MIA2: variants seen among roughly 807,000 people sequenced by gnomAD.
MIA2 encodes MIA SH3 domain ER export factor 2.
A neutral mutation model predicts 167.8 loss-of-function variants in MIA2; 127 were observed. The observed-to-expected ratio is 0.76, with a 90% CI of 0.66 to 0.88. The LOEUF (loss-of-function observed/expected upper bound fraction) is 0.88. Ranked by LOEUF, MIA2 falls within the 40% of genes least tolerant of loss-of-function variation. The pLI, the probability that MIA2 is intolerant of heterozygous loss-of-function variation, is 0.00. For missense variants in MIA2, 1,690 were observed against 1,624.7 expected (o/e 1.04, Z -0.69); for synonymous variants, 552 against 541.9 (o/e 1.02, Z -0.26).
chr14:39,378,187 A>G (rs890598994), intron 23 of MIA2, among the ~76,000 whole-genome samples: 1 of 152,236 alleles, frequency 6.6e-6, no homozygotes, highest in African/African-American at 2.4e-5. Context: ...TATGTTACTG[A>G]ATTGTTAAAA....
intron 24 of MIA2, among the ~76,000 whole-genome samples, chr14:39,321,423 C>T (rs953242930): frequency 7.2e-5 from 11 of 152,240 alleles, no homozygotes; most frequent in African/African-American, 2.6e-4. Flanking sequence ...ACGCCATTCT[C>T]CTGCCTCAGC....
intron 27 of MIA2, 55 bp from the exon 28 acceptor site, chr14:39,348,688 G>A: frequency 6.2e-7 from 1 of 1,601,118 alleles, no homozygotes; most frequent in Non-Finnish European, 8.6e-7. Context: ...AGATTTTCGG[G>A]AAAATGATTG....
In MIA2 at chr14:39,266,512, T is replaced by A. The variant is rs1009051848; in HGVS notation, c.1888-10422T>A. The A allele has an allele frequency of 3.0e-6, 3 of 985,348 alleles. No homozygotes were observed. In the African/African-American group the frequency reaches 5.2e-5, roughly 17 times the overall value. The allele number at this position is 985,348 out of a possible 1,614,324, so 61.0% of individuals were successfully genotyped here. ...ACTGAAGACAGCTGGGCCTAACAAG[T>A]GCCCAGGTGACTCAGGTAAGCGAGG... On this transcript the variant is annotated intron_variant, in intron 6 of 28. Coordinates refer to ENST00000640607, the MANE Select transcript of MIA2 (RefSeq NM_001329214.4).
rs1225417202 is a variant in MIA2 at position 39,247,751 on chromosome 14, G to T, written c.1177G>T (p.Asp393Tyr). Residue 393 changes from aspartate (D) to tyrosine (Y), a missense_variant, in exon 4 of 29, where the codon GAT (aspartate) becomes TAT (tyrosine). Asp to Tyr is a radical substitution (Grantham distance 160, BLOSUM62 -3). Transcript: ENST00000640607. ...AILGFAYAKE[D>Y]KIMLDDRKNE... The stretch of plus-strand genomic sequence containing the variant: ...ACTAGGCTTTGCATATGCCAAGGAA[G>T]ATAAAATTATGTTAGATGACAGGAA... The T allele has an allele frequency of 6.2e-7, 1 of 1,613,482 alleles. No homozygotes were observed. Among genetic ancestry groups the T allele is most frequent in the Non-Finnish European group, 8.5e-7 (1 of 1,179,898 alleles).
intron 15 of MIA2, 131 bp downstream of exon 15, chr14:39,302,380 G>C: frequency 9.8e-7 from 1 of 1,023,734 alleles, no homozygotes; most frequent in Non-Finnish European, 1.4e-6. Context: ...GTGACACACT[G>C]TCCTTTCTCA....
At chr14:39,362,195 G>C (rs1353122434) in intron 23 of MIA2, among the ~76,000 whole-genome samples, 1 of 152,098 alleles carries the variant, frequency 6.6e-6, no homozygotes, top group African/African-American at 2.4e-5. Flanking sequence ...GAATAATGCT[G>C]ACCTTATAGA....
At chr14:39,287,439 T>C (rs1367467138) in intron 9 of MIA2, among the ~76,000 whole-genome samples, 1 of 152,148 alleles carries the variant, frequency 6.6e-6, no homozygotes, top group Non-Finnish European at 1.5e-5. Flanking sequence ...CAGATCTTAA[T>C]GGAAAAGGTT....
intron 25 of MIA2, among the ~76,000 whole-genome samples, chr14:39,334,898 CT>C (rs2069966415): frequency 6.6e-6 from 1 of 152,076 alleles, no homozygotes. Context: ...ATTGCTATTA[CT>C]TTTTTGTGTA....
chr14:39,266,441 T>A, intron 6 of MIA2: 1 of 985,466 alleles, frequency 1.0e-6, no homozygotes, highest in South Asian at 4.7e-5. Flanking sequence ...CAGGCCAAGG[T>A]CCACGGGGAT....
At chr14:39,282,574 A>G (rs376391877) in intron 9 of MIA2, among the ~76,000 whole-genome samples, 17 of 151,718 alleles carry the variant, frequency 1.1e-4, no homozygotes, top group African/African-American at 4.1e-4. Flanking sequence ...CATCCCATAT[A>G]TTTTCTTTTC....
chr14:39,237,010 T>G lies in MIA2; in HGVS notation c.204T>G (p.Val68=). 6.2e-7 allele frequency: 1 copy of G among 1,614,102 alleles called. No homozygotes were observed. The highest frequency in any genetic ancestry group is 8.5e-7 in the Non-Finnish European group (1 of 1,179,980). Residue 68 remains valine (V), a synonymous_variant, in exon 2 of 29, where the codon GTT becomes GTG. Coordinates refer to ENST00000640607, the MANE Select transcript of MIA2 (RefSeq NM_001329214.4). ...TCACTAAGGGAGAAGAGATATCTGT[T>G]TATGTTAAACTTGCAGGAGAAAGGG... is the stretch of plus-strand genomic sequence containing the variant. ...LNFTKGEEIS[V]YVKLAGERED...
intron 6 of MIA2, among the ~76,000 whole-genome samples, chr14:39,268,034 G>T (rs540070386): frequency 6.6e-6 from 1 of 151,058 alleles, no homozygotes; most frequent in South Asian, 2.1e-4. Context: ...TCTACCATGA[G>T]TGAGATTGTT....
At chr14:39,270,528 T>C (rs1163509486) in intron 6 of MIA2, among the ~76,000 whole-genome samples, 3 of 151,668 alleles carry the variant, frequency 2.0e-5, no homozygotes, top group African/African-American at 7.3e-5. Flanking sequence ...TGTTGTTGTT[T>C]GTTTGTTTTG....
intron 23 of MIA2, among the ~76,000 whole-genome samples, chr14:39,380,172 C>T (rs924479263): frequency 2.3e-4 from 35 of 152,258 alleles, no homozygotes; most frequent in African/African-American, 7.7e-4. Flanking sequence ...TTTTTAGCAT[C>T]AGGTCACAAC....
Position 39,315,692 on chromosome 14 carries a change from C to G in MIA2, c.3190C>G (p.His1064Asp), listed in dbSNP as rs2065277278. The G allele has an allele frequency of 6.4e-7, 1 of 1,555,162 alleles. No homozygotes were observed. Among genetic ancestry groups the G allele is most frequent in the Non-Finnish European group, 8.8e-7 (1 of 1,140,030 alleles). ...TTACTTTCTTTTTCAGATTATTTCC[C>G]ATGAGAAAAAAGCACATGATAATTG... ...IHSYQGQIIS[H>D]EKKAHDNWLA... The change falls in exon 21 of 29, where the codon CAT becomes GAT. Residue 1064 changes from histidine (H) to aspartate (D), a missense_variant. His to Asp is a moderately conservative substitution (Grantham distance 81, BLOSUM62 -1). Coordinates refer to ENST00000640607, the MANE Select transcript of MIA2 (RefSeq NM_001329214.4).
chr14:39,254,634 G>A (rs917643332), intron 6 of MIA2, among the ~76,000 whole-genome samples: 14 of 152,150 alleles, frequency 9.2e-5, no homozygotes, highest in African/African-American at 3.1e-4. Context: ...AAGGATAAAG[G>A]TACTACTTGC....
Position 39,277,792 on chromosome 14 carries a change from A to G in MIA2, c.2019+727A>G, listed in dbSNP as rs145761787. Among the ~76,000 whole-genome samples, 322 of 127,010 alleles carry G rather than the reference A, an allele frequency of 2.5e-3. 3 individuals are homozygous for G. Among genetic ancestry groups the G allele is most frequent in the South Asian group, 0.017 (64 of 3,762 alleles). The allele number at this position is 127,010 out of a possible 152,430, so 83.3% of individuals were successfully genotyped here. On this transcript the variant is annotated intron_variant, in intron 7 of 28. Transcript: ENST00000640607. ...TATATATATATATATTTATATTTAA[A>G]GAGATGGGGTCTCACTATGTTGCCT...
intron 6 of MIA2, among the ~76,000 whole-genome samples, chr14:39,270,413 A>C (rs2056930108): frequency 6.6e-6 from 1 of 151,634 alleles, no homozygotes; most frequent in Non-Finnish European, 1.5e-5. Context: ...GTTGGCCAGG[A>C]TGATCTCGAT....
chr14:39,318,996 A>G (rs1485203066), intron 22 of MIA2, among the ~76,000 whole-genome samples: 2 of 152,172 alleles, frequency 1.3e-5, no homozygotes, highest in African/African-American at 2.4e-5. Flanking sequence ...GGCTCCACAT[A>G]ACATCACTAT....
Sources: gnomAD v4.1 joint callset for allele counts (sites outside exome capture counted in the v4.1 genomes callset) on GRCh38, gnomAD v4.1.1 for gene constraint, MANE v1.5 for transcripts, NCBI Gene and HGNC (gene_info 2026-07-23, HGNC 2026-07-21) for gene names.